Variants in GSDMC observed in about 807,000 individuals in gnomAD.
The protein encoded by GSDMC is gasdermin-C.
A neutral mutation model predicts 58.0 loss-of-function variants in GSDMC; 59 were observed. The observed-to-expected ratio is 1.02, with a 90% confidence interval of 0.82 to 1.26. GSDMC has a LOEUF of 1.26. Ranked by LOEUF, GSDMC falls within the 50% of genes most tolerant of loss-of-function variation. The pLI, the probability that GSDMC is intolerant of heterozygous loss-of-function variation, is 0.00. For missense variants in GSDMC, 659 were observed against 598.5 expected (o/e 1.10, Z -1.06); for synonymous variants, 241 against 220.2 (o/e 1.09, Z -0.83).
At chr8:129,785,042 G>A (rs202002683) in intron 1 of GSDMC, among the ~76,000 whole-genome samples, 3 of 152,102 alleles carry the variant, frequency 2.0e-5, no homozygotes, top group East Asian at 3.9e-4. Flanking sequence ...GAGAAACCCC[G>A]CTCTACTAAA....
chr8:129,760,961 T>C (rs1322484355), intron 5 of GSDMC, among the ~76,000 whole-genome samples: 1 of 152,156 alleles, frequency 6.6e-6, no homozygotes, highest in Non-Finnish European at 1.5e-5. Context: ...TGCTGAGGTC[T>C]GAAATTCACC....
the GSDMC span, among the ~76,000 whole-genome samples, chr8:129,737,346 CA>C: frequency 6.6e-6 from 1 of 152,072 alleles, no homozygotes; most frequent in East Asian, 1.9e-4. Context: ...AATCCTAAGC[CA>C]AAAGAACAAA....
At chr8:129,748,951 T>C (rs950820798) in intron 13 of GSDMC, among the ~76,000 whole-genome samples, 1 of 145,322 alleles carries the variant, frequency 6.9e-6, no homozygotes, top group Non-Finnish European at 1.6e-5. Flanking sequence ...TATGAAATGG[T>C]GAAAATAAAA....
the GSDMC span, among the ~76,000 whole-genome samples, chr8:129,742,674 C>T: frequency 6.6e-6 from 1 of 152,162 alleles, no homozygotes; most frequent in Non-Finnish European, 1.5e-5. Flanking sequence ...TGGAAACTCT[C>T]TCAAGACAGT....
chr8:129,760,636 T>TTCCTGAGTCTTTCCCATA, intron 5 of GSDMC, 47 bp from the exon 6 acceptor site: 3 of 1,083,588 alleles, frequency 2.8e-6, no homozygotes, highest in Non-Finnish European at 2.8e-6. Flanking sequence ...AGGTTATTCC[T>TTCCTGAGTCTTTCCCATA]GCCTGAACCT....
chr8:129,736,714 T>C, the GSDMC span, among the ~76,000 whole-genome samples: 8 of 152,242 alleles, frequency 5.3e-5, no homozygotes, highest in African/African-American at 1.7e-4. Context: ...GAAGCATTCC[T>C]TTTGAAAACT....
At chr8:129,745,962 A>G (rs2032953612), downstream of GSDMC, among the ~76,000 whole-genome samples, 1 of 151,786 alleles carries the variant, frequency 6.6e-6, no homozygotes, top group African/African-American at 2.4e-5. Context: ...GCAGAGGAAC[A>G]GAAACCATCT....
At chr8:129,772,129 C>G (rs2130516694) in intron 3 of GSDMC, among the ~76,000 whole-genome samples, 1 of 152,070 alleles carries the variant, frequency 6.6e-6, no homozygotes, top group Admixed American at 6.5e-5. Flanking sequence ...GGCATGGTGG[C>G]AGGCGCCTGT....
intron 11 of GSDMC, 56 bp downstream of exon 11, chr8:129,750,375 C>T (rs2033134989): frequency 1.3e-6 from 2 of 1,550,090 alleles, no homozygotes; most frequent in Non-Finnish European, 1.8e-6. Context: ...GTCATATCTC[C>T]TAACCAATCC....
At chr8:129,777,737 T>A (rs917959543) in intron 1 of GSDMC, 146 bp from the exon 2 acceptor site, 3 of 616,018 alleles carry the variant, frequency 4.9e-6, no homozygotes, top group Non-Finnish European at 8.6e-6. Context: ...ATTATAACTT[T>A]CTCAACTTTG....
At chr8:129,744,871 T>C (rs1422560543), downstream of GSDMC, among the ~76,000 whole-genome samples, 2 of 152,222 alleles carry the variant, frequency 1.3e-5, no homozygotes, top group Non-Finnish European at 2.9e-5. Flanking sequence ...AATGCTATCA[T>C]ACTGGTAGCA....
At chr8:129,755,326 C>T (rs973676612) in intron 6 of GSDMC, among the ~76,000 whole-genome samples, 34 of 151,946 alleles carry the variant, frequency 2.2e-4, no homozygotes, top group African/African-American at 8.0e-4. Context: ...ATTTAAATTG[C>T]TGAAGAAAAA....
chr8:129,744,140 C>G (rs1452800151), downstream of GSDMC, among the ~76,000 whole-genome samples: 1 of 151,982 alleles, frequency 6.6e-6, no homozygotes, highest in African/African-American at 2.4e-5. Context: ...AGAGACCACT[C>G]CACCTTATAC....
At chr8:129,706,794 A>G in the GSDMC span, among the ~76,000 whole-genome samples, 3 of 152,214 alleles carry the variant, frequency 2.0e-5, no homozygotes, top group Non-Finnish European at 4.4e-5. Context: ...TGACCTTTGG[A>G]AAGCCATATT....
intron 1 of GSDMC, 70 bp from the exon 2 acceptor site, chr8:129,777,661 A>G (rs954619755): frequency 1.7e-4 from 137 of 803,716 alleles, no homozygotes; most frequent in Non-Finnish European, 5.8e-5. Flanking sequence ...CCAATTATTG[A>G]TATTTCCCCT....
chr8:129,742,216 A>AGATCTAT, the GSDMC span, among the ~76,000 whole-genome samples: 1 of 152,052 alleles, frequency 6.6e-6, no homozygotes, highest in African/African-American at 2.4e-5. Context: ...TAAGTTTTTG[A>AGATCTAT]GATCTATTGT....
chr8:129,771,255 C>T (rs190996389), intron 3 of GSDMC, among the ~76,000 whole-genome samples: 105 of 151,688 alleles, frequency 6.9e-4, no homozygotes, highest in Non-Finnish European at 1.3e-3. Flanking sequence ...CTAATGGCCA[C>T]GTCCCCCAGA....
In GSDMC at chr8:129,786,006, C is replaced by T. The variant is rs1206910145; in HGVS notation, c.-5+5G>A. 4 of 152,138 alleles carry T rather than the reference C, an allele frequency of 2.6e-5. No homozygotes were observed. The highest frequency in any genetic ancestry group is 4.4e-5 in the Non-Finnish European group (3 of 68,028). The allele number at this position is 152,138 out of a possible 1,614,324, so 9.4% of individuals were successfully genotyped here. On this transcript the variant is annotated splice_donor_5th_base_variant and intron_variant, in intron 1 of 13. Coordinates refer to ENST00000276708, the MANE Select transcript of GSDMC (RefSeq NM_031415.3). ...TTTTCATCCCCTGATCCCATTAGGA[C>T]TTACCAGATTATATATCCCTTTGTC...
At chr8:129,780,571 G>A (rs2034375194) in intron 1 of GSDMC, among the ~76,000 whole-genome samples, 1 of 152,096 alleles carries the variant, frequency 6.6e-6, no homozygotes, top group Non-Finnish European at 1.5e-5. Context: ...GGATGAAGGA[G>A]AAATAAAGAC....
Sources: gnomAD v4.1 joint callset for allele counts (sites outside exome capture counted in the v4.1 genomes callset) on GRCh38, gnomAD v4.1.1 for gene constraint, MANE v1.5 for transcripts, NCBI Gene and HGNC (gene_info 2026-07-23, HGNC 2026-07-21) for gene names.